The following FHOD3 variants were observed in gnomAD, a reference collection of about 807,000 sequenced individuals.
FHOD3 encodes the protein formin homology 2 domain containing 3.
In FHOD3, 90 loss-of-function variants were observed where a neutral mutation model predicts 173.0. The observed-to-expected ratio is 0.52, with a 90% confidence interval of 0.44 to 0.62. The LOEUF is 0.62. Among genes scored for constraint, FHOD3 ranks in the 20% least tolerant of loss-of-function variants. FHOD3 has a pLI of 0.00. For missense variants in FHOD3, 1,945 were observed against 2,034.7 expected (o/e 0.96, Z 0.85); for synonymous variants, 828 against 823.0 (o/e 1.01, Z -0.10).
chr18:36,634,164 C>T (rs1468984772), intron 10 of FHOD3, among the ~76,000 whole-genome samples: 4 of 152,078 alleles, frequency 2.6e-5, no homozygotes, highest in African/African-American at 7.2e-5. Flanking sequence ...TGGTAGGATG[C>T]GGGTAGCCAA....
At chr18:36,628,645 T>G in intron 10 of FHOD3, among the ~76,000 whole-genome samples, 1 of 152,238 alleles carries the variant, frequency 6.6e-6, no homozygotes. Flanking sequence ...AGCATCTTTA[T>G]GGGACCATGT....
chr18:36,740,654 A>C lies in FHOD3; in HGVS notation c.3577-2A>C. The C allele has an allele frequency of 6.2e-7, 1 of 1,612,380 alleles. No individual in the cohort carries two copies. The highest frequency in any genetic ancestry group is 8.5e-7 in the Non-Finnish European group (1 of 1,179,284). On this transcript the variant is annotated splice_acceptor_variant, in intron 20 of 28. Coordinates refer to ENST00000590592, the MANE Select transcript of FHOD3 (RefSeq NM_001281740.3). LOFTEE classifies it high-confidence loss of function. ...ATATACTATATCATCTCCTATTTCC[A>C]GAAAATTCTAACGATGATTCCCACC...
intron 27 of FHOD3, among the ~76,000 whole-genome samples, chr18:36,763,123 G>A (rs1189326882): frequency 2.1e-5 from 3 of 145,836 alleles, no homozygotes; most frequent in African/African-American, 7.5e-5. Flanking sequence ...TATAATATGT[G>A]TATTATACAC....
At chr18:36,385,209 T>C (rs2047971797) in intron 3 of FHOD3, among the ~76,000 whole-genome samples, 1 of 152,200 alleles carries the variant, frequency 6.6e-6, no homozygotes, top group Non-Finnish European at 1.5e-5. Context: ...TAAAATGTGT[T>C]TTAGCTACTA....
Position 36,649,353 on chromosome 18 carries a change from C to T in FHOD3, c.1234C>T (p.Pro412Ser). 1 of 1,535,822 alleles carries T rather than the reference C, an allele frequency of 6.5e-7. No homozygotes were observed. Among genetic ancestry groups the T allele is most frequent in the Non-Finnish European group, 8.7e-7 (1 of 1,146,740 alleles). ...GGAAGAGGAGCAGCCAATCACGGAG[C>T]CCAGTTCCGAAGAAGAGAGAGAGGA... Reference protein sequence around the residue: ...EEEEEQPITEPSSEEEREDDA... With the variant: ...EEEEEQPITESSSEEEREDDA... The change falls in exon 11 of 29, where the codon CCC (proline) becomes TCC (serine). Residue 412 changes from proline (P) to serine (S), a missense_variant. By Grantham distance (74) the Pro-to-Ser change is moderately conservative (BLOSUM62 -1). Transcript: ENST00000590592.
intron 1 of FHOD3, among the ~76,000 whole-genome samples, chr18:36,333,114 G>T (rs1376305239): frequency 2.0e-5 from 3 of 152,224 alleles, no homozygotes; most frequent in Non-Finnish European, 4.4e-5. Flanking sequence ...GCACCCACCA[G>T]CCTTGGTTCC....
chr18:36,424,948 A>AT (rs2050163586), intron 3 of FHOD3, among the ~76,000 whole-genome samples: 2 of 152,196 alleles, frequency 1.3e-5, no homozygotes, highest in Admixed American at 6.5e-5. Context: ...GCTTGTGTTC[A>AT]TGTAACTCTT....
chr18:36,734,227 C>T (rs763143967), intron 20 of FHOD3, among the ~76,000 whole-genome samples: 3 of 152,220 alleles, frequency 2.0e-5, no homozygotes, highest in Non-Finnish European at 4.4e-5. Flanking sequence ...CACAGAGTTA[C>T]ATTTTTACTT....
Position 36,693,287 on chromosome 18 carries a change from C to A in FHOD3, c.2100C>A (p.Ala700=), listed in dbSNP as rs146170583. Residue 700 remains alanine (A), a synonymous_variant, in exon 17 of 29, where the codon GCC becomes GCA. Coordinates refer to ENST00000590592, the MANE Select transcript of FHOD3 (RefSeq NM_001281740.3). ...LRSRSVSRGR[A]DLSLDLTSPA... ...GCCGGAGTGTGAGCCGGGGCAGAGC[C>A]GACCTCTCCTTGGACCTGACCTCGC... 5 of 1,613,786 alleles carry A rather than the reference C, an allele frequency of 3.1e-6. No homozygotes were observed. The African/African-American group carries it at 5.3e-5, about 17-fold the overall frequency.
At chr18:36,653,800 G>A (rs1294703515) in intron 13 of FHOD3, among the ~76,000 whole-genome samples, 4 of 152,164 alleles carry the variant, frequency 2.6e-5, no homozygotes, top group African/African-American at 7.2e-5. Context: ...TTTCATCTTA[G>A]ATTAATTATA....
intron 18 of FHOD3, among the ~76,000 whole-genome samples, chr18:36,715,415 C>T (rs1437281836): frequency 1.3e-5 from 2 of 152,190 alleles, no homozygotes; most frequent in Non-Finnish European, 2.9e-5. Flanking sequence ...CCATGCTGAA[C>T]TGTGAGTCAA....
At chr18:36,772,124 C>CA (rs1197664628) in intron 28 of FHOD3, among the ~76,000 whole-genome samples, 2 of 152,132 alleles carry the variant, frequency 1.3e-5, no homozygotes, top group Non-Finnish European at 2.9e-5. Context: ...CAATTTTATG[C>CA]AAAACAGTCA....
At chr18:36,305,572 G>A (rs1230929533) in intron 1 of FHOD3, among the ~76,000 whole-genome samples, 2 of 152,182 alleles carry the variant, frequency 1.3e-5, no homozygotes, top group African/African-American at 4.8e-5. Flanking sequence ...AGAGTGTGTG[G>A]GACAAGCCCA....
rs954658957 is a variant in FHOD3, at chr18:36,661,122, G to GA, written c.1835+2945dup. 2.3e-3 allele frequency among the ~76,000 whole-genome samples: 332 copies of GA among 144,494 alleles called. 1 individual carries two copies. Among genetic ancestry groups the GA allele is most frequent in the African/African-American group, 7.3e-3 (291 of 39,796 alleles). 94.8% of individuals were successfully genotyped at this position (144,494 alleles called of 152,430 possible). A position where few individuals can be genotyped will look rare whatever the true frequency, so the allele number is the denominator to read the frequency against. ...CTTTACTTATGTTTTGTAAGTGGGGGAAAAAAAAAAAGAAATAAGAGGATC... is the reference window on the plus strand; with the variant it reads ...CTTTACTTATGTTTTGTAAGTGGGGGAAAAAAAAAAAAGAAATAAGAGGATC... On this transcript the variant is annotated intron_variant, in intron 14 of 28. Coordinates refer to ENST00000590592, the MANE Select transcript of FHOD3 (RefSeq NM_001281740.3).
chr18:36,717,734 T>C, intron 18 of FHOD3, 98 bp from the exon 19 acceptor site: 1 of 1,481,320 alleles, frequency 6.8e-7, no homozygotes, highest in East Asian at 2.4e-5. Context: ...TTCTCTGAAG[T>C]CACTCCCATG....
chr18:36,341,070 G>A (rs1274751776), intron 1 of FHOD3, among the ~76,000 whole-genome samples: 1 of 152,120 alleles, frequency 6.6e-6, no homozygotes, highest in Admixed American at 6.5e-5. Context: ...GGTCGTTTAG[G>A]TTCAGTTGCT....
intron 3 of FHOD3, among the ~76,000 whole-genome samples, chr18:36,386,499 G>T (rs1482225161): frequency 6.6e-6 from 1 of 152,226 alleles, no homozygotes; most frequent in East Asian, 1.9e-4. Flanking sequence ...ACTGAAAGGA[G>T]CCCCATGGAG....
intron 3 of FHOD3, among the ~76,000 whole-genome samples, chr18:36,401,649 A>G (rs2048816867): frequency 6.6e-6 from 1 of 152,160 alleles, no homozygotes; most frequent in Non-Finnish European, 1.5e-5. Context: ...CCAATGTGTA[A>G]AACAGGTACA....
intron 8 of FHOD3, among the ~76,000 whole-genome samples, chr18:36,603,853 G>C (rs766292751): frequency 2.0e-5 from 3 of 152,156 alleles, no homozygotes; most frequent in Non-Finnish European, 2.9e-5. Context: ...AAATTATGAA[G>C]TTTTACTCTA....
Sources: gnomAD v4.1 joint callset for allele counts (sites outside exome capture counted in the v4.1 genomes callset) on GRCh38, gnomAD v4.1.1 for gene constraint, MANE v1.5 for transcripts, NCBI Gene and HGNC (gene_info 2026-07-23, HGNC 2026-07-21) for gene names.